The following NOTCH2 variants were observed in gnomAD, a reference collection of about 807,000 sequenced individuals.
NOTCH2 encodes notch receptor 2, also known as neurogenic locus notch homolog protein 2.
In NOTCH2, 29 loss-of-function variants were observed where a neutral mutation model predicts 235.8. The ratio of observed to expected loss-of-function variants is 0.12; its 90% CI spans 0.09 to 0.17. The LOEUF is 0.17. Among genes scored for constraint, NOTCH2 ranks in the 10% least tolerant of loss-of-function variants. NOTCH2 has a pLI of 1.00. For synonymous variants in NOTCH2, 1,086 were observed against 1,141.5 expected (o/e 0.95, Z 0.98); for missense variants, 2,285 against 3,150.2 (o/e 0.73, Z 6.57).
chr1:119,999,911 AAGAGAG>A (rs1227226640), intron 3 of NOTCH2, among the ~76,000 whole-genome samples: 1 of 136,262 alleles, frequency 7.3e-6, no homozygotes, highest in Non-Finnish European at 1.6e-5. Flanking sequence ...GAAAGAGAGA[AAGAGAG>A]AGAAAGAAAG....
In NOTCH2 at chr1:119,925,757, C is replaced by A; in HGVS notation, c.4059G>T (p.Lys1353Asn). Reference protein sequence around the residue: ...QSSCGQVKCRKGEQCVHTASG... With the variant: ...QSSCGQVKCRNGEQCVHTASG... ...AGGCGGTGTGCACACACTGCTCCCC[C>A]TTCCTACATTTCACTTGTCCACAGC... The change falls in exon 25 of 34, where the codon AAG becomes AAT. Residue 1353 changes from lysine to asparagine, a missense_variant. By Grantham distance (94) the Lys-to-Asn change is moderately conservative. Around this residue, in one of 6 missense-constraint regions of NOTCH2, gnomAD observed 1,173 missense variants for 1,515.3 expected, o/e 0.77. Coordinates refer to ENST00000256646, the MANE Select transcript of NOTCH2 (RefSeq NM_024408.4). 1 of 1,614,170 alleles carries A rather than the reference C, an allele frequency of 6.2e-7. No homozygotes were observed. Among genetic ancestry groups the A allele is most frequent in the Non-Finnish European group, 8.5e-7 (1 of 1,180,026 alleles).
At position 119,915,902 on chromosome 1, in the gene NOTCH2, G is replaced by A. The variant is rs369659944; in HGVS notation, c.6820C>T (p.Pro2274Ser). The A allele has an allele frequency of 1.9e-6, 3 of 1,614,178 alleles. No individual in the cohort carries two copies. Among genetic ancestry groups the A allele is most frequent in the South Asian group, 1.1e-5 (1 of 91,086 alleles). Residue 2274 changes from proline (P) to serine (S), a missense_variant, in exon 34 of 34, where the codon CCA becomes TCA. By Grantham distance (74) the Pro-to-Ser change is moderately conservative. Around this residue, in one of 6 missense-constraint regions of NOTCH2, gnomAD observed 504 missense variants for 538.0 expected, o/e 0.94. Transcript: ENST00000256646. ...ATGCCAGGATGGGTGCCCTCAGCTG[G>A]AGCCAGGACCATACCAAACATCTCA... ...YNEMFGMVLA[P>S]AEGTHPGIAP... is the part of the protein sequence containing the mutation.
intron 17 of NOTCH2, among the ~76,000 whole-genome samples, chr1:119,945,114 TCTC>T (rs1315913909): frequency 6.6e-6 from 1 of 152,118 alleles, no homozygotes; most frequent in Non-Finnish European, 1.5e-5. Context: ...GTACAGCTCT[TCTC>T]CTCTATATGA....
chr1:119,925,354 C>G lies in NOTCH2; in HGVS notation c.4462G>C (p.Glu1488Gln), dbSNP rs1131691315. The change falls in exon 25 of 34, where the codon GAG becomes CAG. Residue 1488 changes from glutamate (E) to glutamine (Q), a missense_variant. This residue lies in a region of NOTCH2 where 1,173 missense variants were observed against 1,515.3 expected (regional missense o/e 0.77). Coordinates refer to ENST00000256646, the MANE Select transcript of NOTCH2 (RefSeq NM_024408.4). ...CATTCAAAGTTGTCAAACAGGCACTCGACCGTGTTGCACAGCTCATCACAC... is the reference window on the plus strand; with the variant it reads ...CATTCAAAGTTGTCAAACAGGCACTGGACCGTGTTGCACAGCTCATCACAC... ...NQCDELCNTV[E>Q]CLFDNFECQG... is the part of the protein sequence containing the mutation. The G allele has an allele frequency of 1.2e-6, 2 of 1,614,140 alleles. No individual in the cohort carries two copies. The highest frequency in any genetic ancestry group is 3.3e-5 in the Admixed American group (2 of 60,022).
In NOTCH2 at chr1:119,935,519, A is replaced by G; in HGVS notation, c.3608T>C (p.Ile1203Thr). 6.2e-7 allele frequency: 1 copy of G among 1,614,252 alleles called. No individual in the cohort carries two copies. Among genetic ancestry groups the G allele is most frequent in the Middle Eastern group, 1.6e-4 (1 of 6,062 alleles). Reference protein sequence around the residue: ...NQPCQNGGTCIDLVNHFKCSC... With the variant: ...NQPCQNGGTCTDLVNHFKCSC... ...GCACTTGAAATGGTTCACAAGGTCAATACAGGTGCCTCCATTCTGGCAGGG... is the reference window on the plus strand; with the variant it reads ...GCACTTGAAATGGTTCACAAGGTCAGTACAGGTGCCTCCATTCTGGCAGGG... The change falls in exon 22 of 34, where the codon ATT (isoleucine) becomes ACT (threonine). Residue 1203 changes from isoleucine to threonine, a missense_variant. Transcript: ENST00000256646.
At chr1:120,001,197 G>A (rs1553205308) in intron 3 of NOTCH2, among the ~76,000 whole-genome samples, 1 of 152,064 alleles carries the variant, frequency 6.6e-6, no homozygotes, top group Admixed American at 6.6e-5. Flanking sequence ...TCCGGTCTCG[G>A]GGATATCTTT....
rs1231066764 is a variant in NOTCH2, at chr1:119,915,762, C to A, written c.6960G>T (p.Gly2320=). 6 of 1,607,936 alleles carry A rather than the reference C, an allele frequency of 3.7e-6. No individual in the cohort carries two copies. The highest frequency in any genetic ancestry group is 1.3e-5 in the African/African-American group (1 of 74,962). The change falls in exon 34 of 34, where the codon GGG becomes GGT. Residue 2320 remains glycine, a synonymous_variant. Transcript: ENST00000256646. ...GGCAGGTGGACTGAGGCTGGGGAGC[C>A]CCCGCTGGTTGGGCAATACTGCCTT... ...IPKGSIAQPA[G]APQPQSTCPP...
At chr1:119,983,784 G>A (rs1467544632) in intron 5 of NOTCH2, among the ~76,000 whole-genome samples, 1 of 151,812 alleles carries the variant, frequency 6.6e-6, no homozygotes, top group African/African-American at 2.4e-5. Context: ...AAAACACCAA[G>A]CCTTTTATGT....
chr1:120,064,852 A>T (rs868913314), intron 1 of NOTCH2, among the ~76,000 whole-genome samples: 8,934 of 150,812 alleles, frequency 0.059, 446 homozygotes, highest in African/African-American at 0.2. Context: ...CTCAAAAAAA[A>T]TTATCAAAAT....
Position 120,069,650 on chromosome 1 carries a change from A to G in NOTCH2, c.-244T>C, listed in dbSNP as rs1443054643. The stretch of plus-strand genomic sequence containing the variant: ...TTGGCTGAAACTTTCTCGGGTGTGC[A>G]ACGAAGCAGCCTCGTGTGTCCTTCC... On this transcript the variant is annotated 5_prime_UTR_variant, in exon 1 of 34. Transcript: ENST00000256646. The G allele has an allele frequency of 9.5e-6, 13 of 1,373,620 alleles. No individual in the cohort carries two copies. The highest frequency in any genetic ancestry group is 1.2e-5 in the Non-Finnish European group (13 of 1,064,044). 85.1% of individuals were successfully genotyped at this position (1,373,620 alleles called of 1,614,324 possible).
rs1553196322 is a variant in NOTCH2 at position 119,940,582 on chromosome 1, G to C, written c.3156C>G (p.Pro1052=). Reference sequence around the variant, plus strand: ...GACAGTTTTTCCCAGTGTAGCCCAGGGGGCAGCTGCAGCGGTAGGTACCCA... The same window carrying C: ...GACAGTTTTTCCCAGTGTAGCCCAGCGGGCAGCTGCAGCGGTAGGTACCCA... ...DGLGTYRCSC[P]LGYTGKNCQT... is the part of the protein sequence containing the mutation. Residue 1052 remains proline (P), a synonymous_variant, in exon 19 of 34, where the codon CCC becomes CCG. Transcript: ENST00000256646. 1.9e-6 allele frequency: 3 copies of C among 1,613,932 alleles called. No individual in the cohort carries two copies. The highest frequency in any genetic ancestry group is 2.2e-5 in the East Asian group (1 of 44,894).
At chr1:119,956,323 A>G (rs1442709931) in intron 12 of NOTCH2, among the ~76,000 whole-genome samples, 1 of 152,268 alleles carries the variant, frequency 6.6e-6, no homozygotes, top group Non-Finnish European at 1.5e-5. Context: ...ATGAATTTAT[A>G]TATTTCAAAG....
intron 2 of NOTCH2, among the ~76,000 whole-genome samples, chr1:120,011,941 A>G (rs1160861970): frequency 1.1e-4 from 17 of 148,916 alleles, no homozygotes; most frequent in Non-Finnish European, 2.4e-4. Context: ...GCATGAACCC[A>G]GAAGTTGGAG....
In NOTCH2 at chr1:119,918,363, T is replaced by C. The variant is rs371935119; in HGVS notation, c.5929+43A>G. 1.3e-5 allele frequency: 21 copies of C among 1,611,088 alleles called. No individual in the cohort carries two copies. The Admixed American group carries it at 2.3e-4, about 18-fold the overall frequency. ...AACTCTATTCCCCTCGTCAGAGGCA[T>C]GCTTTGCAGGTAAGAATCCAAATCC... On this transcript the variant is annotated intron_variant, in intron 32 of 33. Transcript: ENST00000256646.
intron 1 of NOTCH2, among the ~76,000 whole-genome samples, chr1:120,041,838 AAGAG>A (rs370450952): frequency 2.0e-5 from 2 of 98,372 alleles, no homozygotes; most frequent in Admixed American, 1.0e-4. Flanking sequence ...CTGCTAAAGA[AAGAG>A]AGAGAGAGAA....
At chr1:120,014,542 G>C (rs1553207576) in intron 2 of NOTCH2, among the ~76,000 whole-genome samples, 1 of 137,278 alleles carries the variant, frequency 7.3e-6, no homozygotes, top group African/African-American at 2.9e-5. Flanking sequence ...TCCTCCTAAT[G>C]GAACTAGAAA....
rs1649484382 is a variant in NOTCH2, at chr1:119,926,631, A to G, written c.3893-20T>C. 2 of 1,556,054 alleles carry G rather than the reference A, an allele frequency of 1.3e-6. No individual in the cohort carries two copies. Among genetic ancestry groups the G allele is most frequent in the East Asian group, 4.7e-5 (2 of 42,692 alleles). ...GCCGGCCTCAGAAAATAAAAAATAAAAAAGGTTTTAAAAGGCAGAAGTAGT... is the reference window on the plus strand; with the variant it reads ...GCCGGCCTCAGAAAATAAAAAATAAGAAAGGTTTTAAAAGGCAGAAGTAGT... On this transcript the variant is annotated intron_variant, in intron 23 of 33. Coordinates refer to ENST00000256646, the MANE Select transcript of NOTCH2 (RefSeq NM_024408.4).
At chr1:119,917,909 T>G (rs1242557946) in intron 32 of NOTCH2, 147 bp from the exon 33 acceptor site, 1 of 679,748 alleles carries the variant, frequency 1.5e-6, no homozygotes, top group African/African-American at 1.8e-5. Flanking sequence ...AAGTAATCTC[T>G]TCTTTTTCCT....
rs1291690396 is a variant in NOTCH2 at position 119,915,580 on chromosome 1, C to T, written c.7142G>A (p.Gly2381Asp). 1.2e-6 allele frequency: 2 copies of T among 1,613,958 alleles called. No homozygotes were observed. Among genetic ancestry groups the T allele is most frequent in the South Asian group, 2.2e-5 (2 of 91,080 alleles). ...CTGTGAAGGGGGTGTGGGGTACTTG[C>T]CCACAGAGGCTGGGAAAGGATGATA... Reference protein sequence around the residue: ...PAYHPFPASVGKYPTPPSQHS... With the variant: ...PAYHPFPASVDKYPTPPSQHS... Residue 2381 changes from glycine (G) to aspartate (D), a missense_variant, in exon 34 of 34, where the codon GGC becomes GAC. Gly to Asp is a moderately conservative substitution (Grantham distance 94). Coordinates refer to ENST00000256646, the MANE Select transcript of NOTCH2 (RefSeq NM_024408.4).
Sources: allele counts gnomAD v4.1 joint callset (sites outside exome capture counted in the v4.1 genomes callset), GRCh38; gene constraint gnomAD v4.1.1; regional missense constraint gnomAD v4.1.1; transcripts MANE v1.5; gene names NCBI Gene and HGNC (gene_info 2026-07-23, HGNC 2026-07-21).